SCGB2B2: variants seen among roughly 807,000 people sequenced by gnomAD.
The protein encoded by SCGB2B2 is secretoglobin family 2B member 2.
In SCGB2B2, 11 loss-of-function variants were observed where a neutral mutation model predicts 7.6. The observed-to-expected ratio is 1.45, with a 90% CI of 0.91 to 2.40. SCGB2B2 has a LOEUF of 2.40. Among genes scored for constraint, SCGB2B2 ranks in the 30% most tolerant of loss-of-function variants. The pLI is 0.00. For synonymous variants in SCGB2B2, 50 were observed against 48.6 expected, an observed-to-expected ratio of 1.03 and a Z score of -0.12; for missense variants, 104 against 115.4, an observed-to-expected ratio of 0.90 and a Z score of 0.45.
intron 1 of SCGB2B2, among the ~76,000 whole-genome samples, chr19:34,599,404 G>T (rs1313086539): frequency 1.3e-5 from 2 of 152,218 alleles, no homozygotes; most frequent in Non-Finnish European, 2.9e-5. Flanking sequence ...AAAAGAAAGA[G>T]GTTTATTGGA....
intron 1 of SCGB2B2, among the ~76,000 whole-genome samples, chr19:34,628,458 T>C (rs1466235765): frequency 6.6e-6 from 1 of 151,740 alleles, no homozygotes; most frequent in East Asian, 1.9e-4. Flanking sequence ...CCCACAGAAA[T>C]ACAAACTACC....
rs2065281232 is a variant in SCGB2B2 at position 34,590,825 on chromosome 19, A to G, written c.*2730T>C. On this transcript the variant is annotated 3_prime_UTR_variant, in exon 4 of 4. Coordinates refer to ENST00000601241, the MANE Select transcript of SCGB2B2 (RefSeq NM_001025591.4). ...ACAGATCATGGGTAGACTCATCTTC[A>G]GTGACAATTATTTTCTAACATTTTC... 6.6e-6 allele frequency among the ~76,000 whole-genome samples: 1 copy of G among 152,228 alleles called. No individual in the cohort carries two copies. The highest frequency in any genetic ancestry group is 2.4e-5 in the African/African-American group (1 of 41,454).
Position 34,628,751 on chromosome 19 carries a change from T to C in SCGB2B2, c.-2031-32157A>G, listed in dbSNP as rs936161160. Among the ~76,000 whole-genome samples, 5 of 151,978 alleles carry C rather than the reference T, an allele frequency of 3.3e-5. 1 individual carries two copies. The highest frequency in any genetic ancestry group is 5.9e-5 in the Non-Finnish European group (4 of 67,950). On this transcript the variant is annotated intron_variant, in intron 1 of 3. Coordinates refer to ENST00000601241, the MANE Select transcript of SCGB2B2 (RefSeq NM_001025591.4). ...CAATCAATAGAAAAAGAGGGAATCC[T>C]CTCTAACTCATTTTATGAGGGCAGC... is the stretch of plus-strand genomic sequence containing the variant.
chr19:34,665,955 G>C (rs1271397244), intron 1 of SCGB2B2, among the ~76,000 whole-genome samples: 2 of 152,070 alleles, frequency 1.3e-5, no homozygotes, highest in Non-Finnish European at 2.9e-5. Flanking sequence ...AAGGAAGATG[G>C]AGGGAGGGCG....
At chr19:34,587,648 T>A (rs1054515896), downstream of SCGB2B2, among the ~76,000 whole-genome samples, 19 of 152,240 alleles carry the variant, frequency 1.2e-4, no homozygotes, top group African/African-American at 4.6e-4. Flanking sequence ...CTATTCACTA[T>A]GATGTGAATA....
chr19:34,618,571 T>C (rs113571889), intron 1 of SCGB2B2, among the ~76,000 whole-genome samples: 1 of 152,170 alleles, frequency 6.6e-6, no homozygotes, highest in East Asian at 1.9e-4. Flanking sequence ...TTTTCCCCCA[T>C]TACTCTTTTA....
At position 34,594,519 on chromosome 19, in the gene SCGB2B2, G is replaced by T. The variant is rs1395868547; in HGVS notation, c.45C>A (p.Ile15=). 1 of 1,613,586 alleles carries T rather than the reference G, an allele frequency of 6.2e-7. No homozygotes were observed. The highest frequency in any genetic ancestry group is 8.5e-7 in the Non-Finnish European group (1 of 1,180,012). ...CTTTCTTACCCAGCTGGACGCTGCAGATCAGAGCCAGCAGAAGAGCACAGG... is the reference window on the plus strand; with the variant it reads ...CTTTCTTACCCAGCTGGACGCTGCATATCAGAGCCAGCAGAAGAGCACAGG... The part of the protein sequence containing the change: ...SATCALLLAL[I]CSVQLGDACL... The change falls in exon 2 of 4, where the codon ATC becomes ATA. Residue 15 remains isoleucine (I), a synonymous_variant. Transcript: ENST00000601241.
At chr19:34,644,965 G>T (rs1433803328) in intron 1 of SCGB2B2, among the ~76,000 whole-genome samples, 1 of 152,218 alleles carries the variant, frequency 6.6e-6, no homozygotes, top group Non-Finnish European at 1.5e-5. Flanking sequence ...ATTGCTGTCA[G>T]TTTCACAGAT....
intron 1 of SCGB2B2, among the ~76,000 whole-genome samples, chr19:34,663,339 G>A (rs965842962): frequency 1.3e-5 from 2 of 152,222 alleles, no homozygotes; most frequent in Non-Finnish European, 1.5e-5. Context: ...GCTCCCTATA[G>A]TGTTGTTCAT....
chr19:34,621,159 A>G (rs112868392), intron 1 of SCGB2B2, among the ~76,000 whole-genome samples: 4,167 of 152,280 alleles, frequency 0.027, 200 homozygotes, highest in African/African-American at 0.094. Flanking sequence ...CCAGTTAATT[A>G]TAACTTTTTT....
At chr19:34,593,638 T>G (rs1381692325) in intron 3 of SCGB2B2, 39 bp from the exon 4 acceptor site, 12 of 1,521,304 alleles carry the variant, frequency 7.9e-6, no homozygotes, top group Non-Finnish European at 1.1e-5. Flanking sequence ...CGGTGGCCTC[T>G]GTGAAAGGCT....
chr19:34,666,857 C>T (rs1166487265), intron 1 of SCGB2B2, among the ~76,000 whole-genome samples: 10 of 151,934 alleles, frequency 6.6e-5, no homozygotes, highest in African/African-American at 2.4e-4. Context: ...CCTCCCTGCT[C>T]ACGTGCTCCT....
chr19:34,648,051 C>T (rs982119447), intron 1 of SCGB2B2, among the ~76,000 whole-genome samples: 6 of 152,206 alleles, frequency 3.9e-5, no homozygotes, highest in South Asian at 2.1e-4. Context: ...TGGGTGGATG[C>T]GATGCCACTC....
intron 1 of SCGB2B2, among the ~76,000 whole-genome samples, chr19:34,650,145 A>G (rs1351258077): frequency 6.6e-6 from 1 of 151,362 alleles, no homozygotes; most frequent in African/African-American, 2.5e-5. Context: ...GGACTGGAGC[A>G]AGAGGTGGAG....
chr19:34,628,471 CAG>C (rs1442044147), intron 1 of SCGB2B2, among the ~76,000 whole-genome samples: 1 of 151,918 alleles, frequency 6.6e-6, no homozygotes, highest in Non-Finnish European at 1.5e-5. Flanking sequence ...AAACTACCAT[CAG>C]AGAATACTAT....
chr19:34,610,014 T>C (rs578225088), intron 1 of SCGB2B2, among the ~76,000 whole-genome samples: 1 of 152,282 alleles, frequency 6.6e-6, no homozygotes, highest in Admixed American at 6.5e-5. Context: ...TTTTATAGCT[T>C]TTTTGGTAGA....
At chr19:34,648,035 A>G (rs2067068736) in intron 1 of SCGB2B2, among the ~76,000 whole-genome samples, 1 of 152,184 alleles carries the variant, frequency 6.6e-6, no homozygotes, top group Non-Finnish European at 1.5e-5. Context: ...GTTGGGCTGG[A>G]GCAGCTGGGT....
intron 1 of SCGB2B2, among the ~76,000 whole-genome samples, chr19:34,609,877 T>C (rs1568431082): frequency 1.3e-5 from 2 of 152,132 alleles, no homozygotes; most frequent in Non-Finnish European, 2.9e-5. Flanking sequence ...GGTATTTTTA[T>C]AGAGATTGCA....
intron 1 of SCGB2B2, among the ~76,000 whole-genome samples, chr19:34,644,589 T>G (rs1423092582): frequency 6.6e-6 from 1 of 152,154 alleles, no homozygotes; most frequent in Non-Finnish European, 1.5e-5. Flanking sequence ...ACTTTTGTTT[T>G]ATAGAGTTAG....
Sources: gnomAD v4.1 joint callset for allele counts (sites outside exome capture counted in the v4.1 genomes callset) on GRCh38, gnomAD v4.1.1 for gene constraint, MANE v1.5 for transcripts, NCBI Gene and HGNC (gene_info 2026-07-23, HGNC 2026-07-21) for gene names.